Variants in CTNNA3 observed in about 807,000 individuals in gnomAD.
The protein encoded by CTNNA3 is catenin alpha-3.
Under a neutral mutation model 95.7 loss-of-function variants are expected in CTNNA3, and 76 were observed. The observed-to-expected ratio is 0.79, with a 90% CI of 0.66 to 0.96. The LOEUF (loss-of-function observed/expected upper bound fraction) is 0.96. Among genes scored for constraint, CTNNA3 ranks in the 40% least tolerant of loss-of-function variants. The probability of loss-of-function intolerance (pLI) is 0.00; values close to 1 mark genes in which losing one functional copy is unlikely to be tolerated. For synonymous variants in CTNNA3, 431 were observed against 374.4 expected (o/e 1.15, Z -1.74); for missense variants, 1,191 against 1,089.8 (o/e 1.09, Z -1.31).
intron 13 of CTNNA3, among the ~76,000 whole-genome samples, chr10:66,247,113 A>G (rs7070883): frequency 0.81 from 121,585 of 150,482 alleles, 49,485 homozygotes; most frequent in South Asian, 0.94. Flanking sequence ...ACACAACCAG[A>G]GGAGATAAAT....
intron 2 of CTNNA3, among the ~76,000 whole-genome samples, chr10:67,620,681 T>C (rs1416117381): frequency 6.6e-6 from 1 of 152,152 alleles, no homozygotes; most frequent in Non-Finnish European, 1.5e-5. Flanking sequence ...ATTTCCATTA[T>C]ACGATGCATC....
At chr10:67,116,739 T>C (rs1436913341) in intron 7 of CTNNA3, among the ~76,000 whole-genome samples, 1 of 147,086 alleles carries the variant, frequency 6.8e-6, no homozygotes, top group Non-Finnish European at 1.5e-5. Context: ...TATATATATA[T>C]ATATAATATA....
chr10:67,007,876 C>G (rs1274654797), intron 7 of CTNNA3, among the ~76,000 whole-genome samples: 1 of 151,694 alleles, frequency 6.6e-6, no homozygotes, highest in Non-Finnish European at 1.5e-5. Context: ...AAAATATATA[C>G]AAAGGAAGCT....
At chr10:66,730,592 T>C (rs745683279) in intron 9 of CTNNA3, among the ~76,000 whole-genome samples, 8 of 152,186 alleles carry the variant, frequency 5.3e-5, no homozygotes, top group South Asian at 4.1e-4. Context: ...ATTTTGCACA[T>C]GTACCCCTGA....
intron 1 of CTNNA3, among the ~76,000 whole-genome samples, chr10:67,754,329 T>G (rs753664154): frequency 3.9e-5 from 6 of 151,988 alleles, no homozygotes; most frequent in Non-Finnish European, 8.8e-5. Context: ...AGGGAGAGCA[T>G]CAGGATAAAC....
At chr10:66,760,282 G>A (rs1269667041) in intron 9 of CTNNA3, among the ~76,000 whole-genome samples, 1 of 152,108 alleles carries the variant, frequency 6.6e-6, no homozygotes, top group African/African-American at 2.4e-5. Flanking sequence ...TATACAAGAG[G>A]AAGTCTAACC....
intron 10 of CTNNA3, among the ~76,000 whole-genome samples, chr10:66,524,002 T>C (rs1841160824): frequency 6.6e-6 from 1 of 152,136 alleles, no homozygotes; most frequent in Admixed American, 6.6e-5. Context: ...TTAGTCTTTG[T>C]TCCAGCCACA....
At chr10:66,223,200 G>A (rs922347) in intron 13 of CTNNA3, among the ~76,000 whole-genome samples, 81,910 of 151,628 alleles carry the variant, frequency 0.54, 22,915 homozygotes, top group South Asian at 0.69. Context: ...AGTTAATATA[G>A]ACGAGGGAAA....
intron 7 of CTNNA3, among the ~76,000 whole-genome samples, chr10:67,076,039 T>A (rs1458632844): frequency 6.6e-6 from 1 of 152,236 alleles, no homozygotes; most frequent in Non-Finnish European, 1.5e-5. Flanking sequence ...CTTAATTGCC[T>A]CTAGAAATGT....
chr10:66,277,805 A>G (rs2091425905), intron 13 of CTNNA3, among the ~76,000 whole-genome samples: 1 of 151,986 alleles, frequency 6.6e-6, no homozygotes, highest in African/African-American at 2.4e-5. Flanking sequence ...TTTGACCATA[A>G]AGTGTACTTA....
intron 12 of CTNNA3, among the ~76,000 whole-genome samples, chr10:66,375,404 C>T (rs2092789005): frequency 6.6e-6 from 1 of 152,164 alleles, no homozygotes; most frequent in East Asian, 1.9e-4. Flanking sequence ...CACTAAGCTC[C>T]AGCCAATTCC....
At chr10:65,938,234 T>C (rs1456303759) in intron 17 of CTNNA3, among the ~76,000 whole-genome samples, 1 of 152,208 alleles carries the variant, frequency 6.6e-6, no homozygotes, top group African/African-American at 2.4e-5. Flanking sequence ...ACTAGAATCT[T>C]AATGCTTTGT....
chr10:67,157,431 T>C (rs1467387890), intron 7 of CTNNA3, among the ~76,000 whole-genome samples: 1 of 152,162 alleles, frequency 6.6e-6, no homozygotes, highest in Non-Finnish European at 1.5e-5. Flanking sequence ...GCCCCTCCTG[T>C]ATGAGTGGAA....
intron 5 of CTNNA3, among the ~76,000 whole-genome samples, chr10:67,253,798 T>C (rs1032282501): frequency 6.6e-6 from 1 of 152,022 alleles, no homozygotes; most frequent in Non-Finnish European, 1.5e-5. Flanking sequence ...CAAAGCACAA[T>C]ACCAAGGCCA....
intron 11 of CTNNA3, among the ~76,000 whole-genome samples, chr10:66,393,570 C>T (rs996797014): frequency 6.6e-6 from 1 of 152,072 alleles, no homozygotes; most frequent in Non-Finnish European, 1.5e-5. Flanking sequence ...GAACATACTA[C>T]AATTTTCTGA....
At chr10:67,085,599 T>G (rs1857262336) in intron 7 of CTNNA3, among the ~76,000 whole-genome samples, 1 of 152,034 alleles carries the variant, frequency 6.6e-6, no homozygotes, top group Admixed American at 6.6e-5. Context: ...ATTGTCAGAC[T>G]TACTTTTAAA....
intron 5 of CTNNA3, among the ~76,000 whole-genome samples, chr10:67,482,615 G>A (rs1392458857): frequency 6.6e-6 from 1 of 152,204 alleles, no homozygotes; most frequent in Non-Finnish European, 1.5e-5. Context: ...CTGAGATTTT[G>A]CTGAAGTTGC....
chr10:66,810,376 C>T (rs2132260813), intron 7 of CTNNA3, among the ~76,000 whole-genome samples: 1 of 152,232 alleles, frequency 6.6e-6, no homozygotes, highest in East Asian at 1.9e-4. Context: ...TGGAAGATAG[C>T]ACCCTCCAGC....
intron 5 of CTNNA3, among the ~76,000 whole-genome samples, chr10:67,429,477 C>A (rs1318215860): frequency 6.6e-6 from 1 of 151,866 alleles, no homozygotes; most frequent in African/African-American, 2.4e-5. Context: ...ATTAATGATT[C>A]CCCAAAGCAA....
Sources: gnomAD v4.1 joint callset for allele counts (sites outside exome capture counted in the v4.1 genomes callset) on GRCh38, gnomAD v4.1.1 for gene constraint, MANE v1.5 for transcripts, NCBI Gene and HGNC (gene_info 2026-07-23, HGNC 2026-07-21) for gene names.